CAST: variants seen among roughly 807,000 people sequenced by gnomAD.
CAST encodes the protein MIR583 host.
In CAST, 76 loss-of-function variants were observed where a neutral mutation model predicts 119.6. The observed-to-expected ratio is 0.64, with a 90% CI of 0.53 to 0.77. CAST has a LOEUF of 0.77. Among genes scored for constraint, CAST ranks in the 30% least tolerant of loss-of-function variants. CAST has a pLI of 0.00. For synonymous variants in CAST, 319 were observed against 331.6 expected (o/e 0.96, Z 0.41); for missense variants, 953 against 946.5 (o/e 1.01, Z -0.09).
At chr5:96,714,388 A>G (rs1305057051) in intron 3 of CAST, among the ~76,000 whole-genome samples, 1 of 152,214 alleles carries the variant, frequency 6.6e-6, no homozygotes, top group Non-Finnish European at 1.5e-5. Context: ...AGAACTGCAG[A>G]ACTACAGGAT....
At chr5:96,455,250 C>T in the CAST span, among the ~76,000 whole-genome samples, 2 of 152,092 alleles carry the variant, frequency 1.3e-5, no homozygotes, top group Admixed American at 1.3e-4. Context: ...AAAGCTGTCT[C>T]CAGCTTCTGT....
the CAST span, among the ~76,000 whole-genome samples, chr5:96,018,408 C>T: frequency 6.6e-6 from 1 of 151,778 alleles, no homozygotes; most frequent in Non-Finnish European, 1.5e-5. Context: ...TACTGTTGAG[C>T]ATACAAGGTT....
the CAST span, among the ~76,000 whole-genome samples, chr5:96,359,502 T>C: frequency 6.6e-6 from 1 of 152,220 alleles, no homozygotes; most frequent in African/African-American, 2.4e-5. Flanking sequence ...AGTGCTTCTT[T>C]CAGGAGCTCT....
chr5:96,357,546 G>A, the CAST span, among the ~76,000 whole-genome samples: 1 of 152,184 alleles, frequency 6.6e-6, no homozygotes, highest in South Asian at 2.1e-4. Flanking sequence ...ATGAAAGGCT[G>A]TTGAATTTTG....
the CAST span, among the ~76,000 whole-genome samples, chr5:96,027,984 C>CGATA: frequency 2.0e-5 from 3 of 152,058 alleles, no homozygotes; most frequent in Admixed American, 2.0e-4. Flanking sequence ...TGGAGATATT[C>CGATA]TCCTTCTGAG....
At chr5:96,444,471 A>G in the CAST span, among the ~76,000 whole-genome samples, 1 of 152,320 alleles carries the variant, frequency 6.6e-6, no homozygotes, top group Admixed American at 6.5e-5. Context: ...GTAATTTTAA[A>G]TATCCTCTTT....
chr5:96,756,075 C>T (rs546937213), intron 22 of CAST, among the ~76,000 whole-genome samples: 22 of 152,338 alleles, frequency 1.4e-4, no homozygotes, highest in African/African-American at 5.0e-4. Flanking sequence ...TTACCTCACA[C>T]GTTATTAGTT....
At chr5:96,037,443 G>A in the CAST span, among the ~76,000 whole-genome samples, 1 of 151,996 alleles carries the variant, frequency 6.6e-6, no homozygotes, top group Non-Finnish European at 1.5e-5. Flanking sequence ...ATCTGTGTGG[G>A]GCAACATTTT....
At chr5:96,212,793 A>G in the CAST span, among the ~76,000 whole-genome samples, 4 of 152,192 alleles carry the variant, frequency 2.6e-5, no homozygotes, top group Non-Finnish European at 4.4e-5. Context: ...TACGACTTCT[A>G]TGTTCTCTTG....
the CAST span, among the ~76,000 whole-genome samples, chr5:96,246,205 C>T: frequency 1.2e-3 from 2 of 1,684 alleles, no homozygotes; most frequent in Non-Finnish European, 0.019. Flanking sequence ...TTTTTTGAGA[C>T]GGAGTCTTGC....
the CAST span, chr5:96,421,993 T>TAAAA: frequency 9.2e-5 from 33 of 358,414 alleles, no homozygotes; most frequent in African/African-American, 5.8e-4. Context: ...GTGGCAGCAT[T>TAAAA]AAAAAAAAAA....
intron 1 of CAST, among the ~76,000 whole-genome samples, chr5:96,652,284 T>C (rs1446582464): frequency 6.6e-6 from 1 of 152,252 alleles, no homozygotes; most frequent in South Asian, 2.1e-4. Context: ...TAATTACAAA[T>C]GATTTCCTAC....
chr5:96,461,445 C>T, the CAST span, among the ~76,000 whole-genome samples: 4 of 152,222 alleles, frequency 2.6e-5, no homozygotes, highest in East Asian at 1.9e-4. Flanking sequence ...ACTGTTTCCA[C>T]AGCAGCTGCA....
intron 16 of CAST, chr5:96,743,895 C>T (rs778585086): frequency 1.9e-5 from 11 of 576,078 alleles, no homozygotes; most frequent in Non-Finnish European, 3.0e-5. Flanking sequence ...TGAGTTGTGG[C>T]TTTACCACCT....
chr5:96,034,810 T>G, the CAST span, among the ~76,000 whole-genome samples: 1 of 150,914 alleles, frequency 6.6e-6, no homozygotes, highest in African/African-American at 2.4e-5. Flanking sequence ...CATTCTACTC[T>G]CTACTTTTAT....
At chr5:96,143,807 A>G in the CAST span, among the ~76,000 whole-genome samples, 202 of 152,336 alleles carry the variant, frequency 1.3e-3, no homozygotes, top group African/African-American at 4.7e-3. Context: ...ATATAACCTA[A>G]TGCATTTATA....
the CAST span, among the ~76,000 whole-genome samples, chr5:96,214,011 G>C: frequency 6.6e-6 from 1 of 152,084 alleles, no homozygotes; most frequent in Non-Finnish European, 1.5e-5. Context: ...ATAATTAATA[G>C]CAAATCTTGA....
chr5:96,172,006 A>G, the CAST span, among the ~76,000 whole-genome samples: 2 of 152,174 alleles, frequency 1.3e-5, no homozygotes, highest in East Asian at 3.9e-4. Flanking sequence ...ACCGCCAAAC[A>G]GGCTTTGTGT....
intron 1 of CAST, among the ~76,000 whole-genome samples, chr5:96,672,217 TTCTCTCTCTCTG>T (rs1561457747): frequency 6.6e-6 from 1 of 151,618 alleles, no homozygotes; most frequent in Non-Finnish European, 1.5e-5. Flanking sequence ...TGCCCTCTTG[TTCTCTCTCTCTG>T]TCTCTCTCTC....
Sources: gnomAD v4.1 joint callset for allele counts (sites outside exome capture counted in the v4.1 genomes callset) on GRCh38, gnomAD v4.1.1 for gene constraint, MANE v1.5 for transcripts, NCBI Gene and HGNC (gene_info 2026-07-23, HGNC 2026-07-21) for gene names.